The following MTM1 variants were observed in gnomAD, a reference collection of about 807,000 sequenced individuals.
MTM1 encodes myotubularin.
A neutral mutation model predicts 52.1 loss-of-function variants in MTM1; 9 were observed. That is an observed-to-expected ratio of 0.17 (90% confidence interval 0.10 to 0.30). MTM1 has a LOEUF of 0.30. Ranked by LOEUF, MTM1 falls within the 10% of genes least tolerant of loss-of-function variation. MTM1 has a pLI of 1.00. For synonymous variants in MTM1, 136 were observed against 163.8 expected, an observed-to-expected ratio of 0.83 and a Z score of 1.29; for missense variants, 277 against 470.7, an observed-to-expected ratio of 0.59 and a Z score of 3.81.
chrX:150,620,094 G>T (rs1169246350), intron 6 of MTM1, among the ~76,000 whole-genome samples: 1 of 112,031 alleles, frequency 8.9e-6, no homozygotes, highest in African/African-American at 3.2e-5. Flanking sequence ...GATAAAAAGA[G>T]AGTCTGATGG....
chrX:150,627,646 T>C (rs1557413449), intron 6 of MTM1, among the ~76,000 whole-genome samples: 3 of 112,047 alleles, frequency 2.7e-5, no homozygotes, highest in Non-Finnish European at 5.6e-5. Context: ...GAAGTCTTTG[T>C]GGACTTTTCT....
chrX:150,665,853 C>T (rs1184578527), intron 14 of MTM1, among the ~76,000 whole-genome samples: 1 of 112,180 alleles, frequency 8.9e-6, no homozygotes, highest in East Asian at 2.8e-4. Flanking sequence ...ATGTCAAAAG[C>T]ATAGTCATAT....
chrX:150,618,915 T>C (rs2039431689), intron 5 of MTM1, 123 bp from the exon 6 acceptor site: 1 of 552,173 alleles, frequency 1.8e-6, no homozygotes, highest in Non-Finnish European at 3.2e-6. Context: ...AATTTTGTAA[T>C]AATTTAGATT....
chrX:150,581,021 T>A (rs2038572873), intron 1 of MTM1, among the ~76,000 whole-genome samples: 1 of 111,985 alleles, frequency 8.9e-6, no homozygotes, highest in South Asian at 3.7e-4. Flanking sequence ...TTTGGAACTC[T>A]TCTTTGGATT....
rs1191132231 is a variant in MTM1 at position 150,649,707 on chromosome X, GTTTC to G, written c.868-6_868-3del. The G allele has an allele frequency of 8.3e-7, 1 of 1,199,343 alleles. No individual in the cohort carries two copies. The highest frequency in any genetic ancestry group is 1.1e-6 in the Non-Finnish European group (1 of 886,078). On this transcript the variant is annotated splice_polypyrimidine_tract_variant and splice_region_variant and intron_variant, in intron 9 of 14. Coordinates refer to ENST00000370396, the MANE Select transcript of MTM1 (RefSeq NM_000252.3). The stretch of plus-strand genomic sequence containing the variant: ...CAACTGATTGTTTGTATTTCATGTT[GTTTC>G]TTAGGCAACAGGAGGAGGATATGAA...
At chrX:150,610,027 T>A (rs1013348000) in intron 4 of MTM1, among the ~76,000 whole-genome samples, 12 of 111,953 alleles carry the variant, frequency 1.1e-4, no homozygotes, top group African/African-American at 1.9e-4. Context: ...TATATTTTTT[T>A]AAAATAAACT....
intron 14 of MTM1, among the ~76,000 whole-genome samples, 189 bp downstream of exon 14, chrX:150,663,798 A>G (rs782122174): frequency 7.1e-5 from 8 of 111,974 alleles, no homozygotes; most frequent in Admixed American, 1.9e-4. Flanking sequence ...TTAAGCTGCA[A>G]TTCTTCTGCC....
At chrX:150,600,770 T>C (rs948860367) in intron 4 of MTM1, among the ~76,000 whole-genome samples, 3 of 112,213 alleles carry the variant, frequency 2.7e-5, no homozygotes, top group Non-Finnish European at 5.6e-5. Context: ...TGCTAATATA[T>C]GTGAGAATTA....
chrX:150,651,210 C>T (rs868909078), intron 10 of MTM1, among the ~76,000 whole-genome samples: 5 of 109,905 alleles, frequency 4.5e-5, no homozygotes, highest in Middle Eastern at 4.8e-3. Flanking sequence ...CAATAGTTTT[C>T]AATTTACAGA....
At chrX:150,648,063 A>G (rs2039964087) in intron 9 of MTM1, among the ~76,000 whole-genome samples, 1 of 112,111 alleles carries the variant, frequency 8.9e-6, no homozygotes, top group Non-Finnish European at 1.9e-5. Flanking sequence ...AAGAGGAGAA[A>G]GTGGCCCACT....
intron 8 of MTM1, among the ~76,000 whole-genome samples, chrX:150,643,591 T>C (rs1426044990): frequency 1.8e-5 from 2 of 111,918 alleles, no homozygotes; most frequent in Non-Finnish European, 1.9e-5. Flanking sequence ...TGTGTCTCAG[T>C]CTATAGAAAT....
Position 150,605,918 on chromosome X carries a change from G to C in MTM1, c.231+7232G>C, listed in dbSNP as rs782808808. On this transcript the variant is annotated intron_variant, in intron 4 of 14. Coordinates refer to ENST00000370396, the MANE Select transcript of MTM1 (RefSeq NM_000252.3). Reference sequence around the variant, plus strand: ...TACCTTTCAGTGTGAGCATTTCAAAGCCAGACCTATATTCTTTTTCAGAGG... The same window carrying C: ...TACCTTTCAGTGTGAGCATTTCAAACCCAGACCTATATTCTTTTTCAGAGG... Among the ~76,000 whole-genome samples the C allele has an allele frequency of 2.7e-4, 30 of 109,722 alleles. No individual in the cohort carries two copies. In the South Asian group the frequency reaches 0.011, roughly 42 times the overall value.
At chrX:150,649,565 G>C (rs1195773565) in intron 9 of MTM1, 151 bp from the exon 10 acceptor site, 7 of 483,992 alleles carry the variant, frequency 1.4e-5, no homozygotes, top group African/African-American at 2.4e-5. Flanking sequence ...TTTGAGACTT[G>C]TTGTTGGCTA....
Position 150,645,875 on chromosome X carries a change from A to T in MTM1, c.867+4A>T, listed in dbSNP as rs1322584849. The T allele has an allele frequency of 5.0e-6, 6 of 1,202,902 alleles. No individual in the cohort carries two copies. Among genetic ancestry groups the T allele is most frequent in the African/African-American group, 1.8e-5 (1 of 57,131 alleles). On this transcript the variant is annotated splice_donor_region_variant and intron_variant, in intron 9 of 14. Transcript: ENST00000370396. Reference sequence around the variant, plus strand: ...CGTAAATGCAGTGGCCAACAAGGTGAGTGGACTTAATGATGTGCTGGACAC... The same window carrying T: ...CGTAAATGCAGTGGCCAACAAGGTGTGTGGACTTAATGATGTGCTGGACAC...
intron 8 of MTM1, 109 bp downstream of exon 8, chrX:150,641,527 C>A: frequency 1.1e-6 from 1 of 945,965 alleles, no homozygotes; most frequent in Non-Finnish European, 1.5e-6. Context: ...CCAAAAAATA[C>A]TTACTAAGTG....
At chrX:150,651,695 T>C (rs1458282966) in intron 10 of MTM1, among the ~76,000 whole-genome samples, 1 of 111,216 alleles carries the variant, frequency 9.0e-6, no homozygotes, top group African/African-American at 3.3e-5. Flanking sequence ...CACAGAGATG[T>C]TGGTTTGGCA....
At chrX:150,600,401 A>G (rs782799293) in intron 4 of MTM1, among the ~76,000 whole-genome samples, 1 of 112,370 alleles carries the variant, frequency 8.9e-6, no homozygotes, top group Non-Finnish European at 1.9e-5. Flanking sequence ...CAGTAATTGG[A>G]TATGACTGAT....
At chrX:150,616,629 TCTTACC>T (rs2039390862) in intron 5 of MTM1, among the ~76,000 whole-genome samples, 1 of 111,190 alleles carries the variant, frequency 9.0e-6, no homozygotes, top group East Asian at 2.8e-4. Flanking sequence ...ATATGCAAAT[TCTTACC>T]CTGCAGGCCC....
chrX:150,635,146 TC>T (rs782787117), intron 6 of MTM1, among the ~76,000 whole-genome samples: 2 of 112,368 alleles, frequency 1.8e-5, no homozygotes, highest in South Asian at 7.4e-4. Context: ...TGCTGAAGCA[TC>T]TACTGAAAGG....
Sources: gnomAD v4.1 joint callset for allele counts (sites outside exome capture counted in the v4.1 genomes callset) on GRCh38, gnomAD v4.1.1 for gene constraint, MANE v1.5 for transcripts, NCBI Gene and HGNC (gene_info 2026-07-23, HGNC 2026-07-21) for gene names.